Variants in MAP1LC3B observed in about 807,000 individuals in gnomAD.
MAP1LC3B encodes microtubule-associated protein 1 light chain 3 beta.
A neutral mutation model predicts 16.7 loss-of-function variants in MAP1LC3B; 12 were observed. The observed-to-expected ratio is 0.72, with a 90% confidence interval of 0.46 to 1.16. The LOEUF (loss-of-function observed/expected upper bound fraction) is 1.16, where lower values mean the gene tolerates loss of function less well. Among genes scored for constraint, MAP1LC3B ranks in the 50% most tolerant of loss-of-function variants. The probability of loss-of-function intolerance (pLI) is 0.00; values close to 1 mark genes in which losing one functional copy is unlikely to be tolerated. For missense variants in MAP1LC3B, 155 were observed against 159.5 expected (o/e 0.97, Z 0.15); for synonymous variants, 63 against 56.5 (o/e 1.11, Z -0.51).
chr16:87,400,605 T>C (rs17781165), intron 2 of MAP1LC3B, among the ~76,000 whole-genome samples: 9,417 of 152,236 alleles, frequency 0.062, 446 homozygotes, highest in East Asian at 0.21. Context: ...TTGTCAAATA[T>C]AATTTTTTCA....
In MAP1LC3B at chr16:87,404,136, C is replaced by A. The variant is rs1219631491; in HGVS notation, c.*1039C>A. The A allele has an allele frequency of 1.3e-5, 2 of 152,144 alleles. No individual in the cohort carries two copies. The highest frequency in any genetic ancestry group is 2.9e-5 in the Non-Finnish European group (2 of 68,032). 9.4% of individuals were successfully genotyped at this position (152,144 alleles called of 1,614,324 possible). ...GACAGCCATCAGAATTCTCCCACAC[C>A]AAGTGCATGTCAGTTGTGGAGAAAA... On this transcript the variant is annotated 3_prime_UTR_variant, in exon 4 of 4. Transcript: ENST00000268607.
At position 87,403,147 on chromosome 16, in the gene MAP1LC3B, A is replaced by C. The variant is rs776139474; in HGVS notation, c.*50A>C. 3.1e-5 allele frequency: 46 copies of C among 1,481,084 alleles called. No homozygotes were observed. The highest frequency in any genetic ancestry group is 3.7e-4 in the Middle Eastern group (2 of 5,472). 91.7% of individuals were successfully genotyped at this position (1,481,084 alleles called of 1,614,324 possible). Reference sequence around the variant, plus strand: ...AGAATTGTTTAAACCCTTACCAAGGAAAAAAAAGGGATGTTACCAACTGAG... The same window carrying C: ...AGAATTGTTTAAACCCTTACCAAGGCAAAAAAAGGGATGTTACCAACTGAG... On this transcript the variant is annotated 3_prime_UTR_variant, in exon 4 of 4. Transcript: ENST00000268607.
intron 1 of MAP1LC3B, among the ~76,000 whole-genome samples, chr16:87,395,742 C>A (rs1907774986): frequency 6.6e-6 from 1 of 150,844 alleles, no homozygotes; most frequent in South Asian, 2.1e-4. Flanking sequence ...TGAAAATAAT[C>A]ATTTTTGTCT....
intron 3 of MAP1LC3B, chr16:87,402,514 A>C: frequency 1.8e-6 from 1 of 570,072 alleles, no homozygotes; most frequent in East Asian, 2.9e-5. Context: ...TTTCATCATA[A>C]CATCGTTTAG....
Position 87,403,981 on chromosome 16 carries a change from A to G in MAP1LC3B, c.*884A>G, listed in dbSNP as rs1189632956. 1.3e-5 allele frequency: 2 copies of G among 152,180 alleles called. No homozygotes were observed. The highest frequency in any genetic ancestry group is 1.5e-5 in the Non-Finnish European group (1 of 68,040). The allele number at this position is 152,180 out of a possible 1,614,324, so 9.4% of individuals were successfully genotyped here. ...TAACTGAAAACATTAACATTCAGAC[A>G]CACTCCCTTCTGCCTTCCGGCTTAA... is the stretch of plus-strand genomic sequence containing the variant. On this transcript the variant is annotated 3_prime_UTR_variant, in exon 4 of 4. Transcript: ENST00000268607.
At position 87,393,010 on chromosome 16, in the gene MAP1LC3B, C is replaced by T. The variant is rs62053115; in HGVS notation, c.40+543C>T. 9.1e-3 allele frequency: 1,392 copies of T among 152,308 alleles called. 19 individuals are homozygous for T. The highest frequency in any genetic ancestry group is 0.015 in the Non-Finnish European group (988 of 68,066). 9.4% of individuals were successfully genotyped at this position (152,308 alleles called of 1,614,324 possible). A position where few individuals can be genotyped will look rare whatever the true frequency, so the allele number is the denominator to read the frequency against. On this transcript the variant is annotated intron_variant, in intron 1 of 3. Coordinates refer to ENST00000268607, the MANE Select transcript of MAP1LC3B (RefSeq NM_022818.5). ...GTGCCTCTTACAGACCTCAGTGCCT[C>T]GGTCGAGAGGAGGGGAATGTGCTGG...
At chr16:87,397,357 G>A (rs1166528320) in intron 1 of MAP1LC3B, among the ~76,000 whole-genome samples, 1 of 148,858 alleles carries the variant, frequency 6.7e-6, no homozygotes, top group Non-Finnish European at 1.5e-5. Flanking sequence ...GGTGGCTCAC[G>A]CCTGTAATCC....
intron 2 of MAP1LC3B, among the ~76,000 whole-genome samples, chr16:87,401,732 G>A (rs1907999980): frequency 6.6e-6 from 1 of 152,090 alleles, no homozygotes; most frequent in Admixed American, 6.6e-5. Context: ...GTTTTGCCAT[G>A]TTGACCAGGC....
At position 87,402,169 on chromosome 16, in the gene MAP1LC3B, T is replaced by C; in HGVS notation, c.97-6T>C. 1.2e-6 allele frequency: 2 copies of C among 1,613,982 alleles called. No homozygotes were observed. Among genetic ancestry groups the C allele is most frequent in the African/African-American group, 1.3e-5 (1 of 75,024 alleles). ...ATTTTAAAATCACTTCTGGCTTCTT[T>C]TCCAGGTGATAATAGAACGATACAA... On this transcript the variant is annotated splice_polypyrimidine_tract_variant and splice_region_variant and intron_variant, in intron 2 of 3. Coordinates refer to ENST00000268607, the MANE Select transcript of MAP1LC3B (RefSeq NM_022818.5).
chr16:87,402,791 TGAG>T lies in MAP1LC3B; in HGVS notation c.204-131_204-129del. 3 of 1,042,336 alleles carry T rather than the reference TGAG, an allele frequency of 2.9e-6. No individual in the cohort carries two copies. In the South Asian group the frequency reaches 4.9e-5, roughly 17 times the overall value. The allele number at this position is 1,042,336 out of a possible 1,614,324, so 64.6% of individuals were successfully genotyped here. ...ATCAAAGGAAGTGTCCTGTGCTTTA[TGAG>T]AAGTATTGGATTCAAGAGCATTTAG... is the stretch of plus-strand genomic sequence containing the variant. On this transcript the variant is annotated intron_variant, in intron 3 of 3. Transcript: ENST00000268607.
intron 1 of MAP1LC3B, among the ~76,000 whole-genome samples, chr16:87,395,043 C>A (rs748262837): frequency 2.0e-5 from 3 of 152,120 alleles, no homozygotes; most frequent in Non-Finnish European, 4.4e-5. Context: ...CCACGCCTGG[C>A]CTGGGGGAGG....
In MAP1LC3B at chr16:87,402,182, T is replaced by G; in HGVS notation, c.104T>G (p.Ile35Arg). The part of the protein sequence containing the change: ...EQHPTKIPVI[I>R]ERYKGEKQLP... ...TTCTGGCTTCTTTTCCAGGTGATAATAGAACGATACAAGGGTGAGAAGCAG... is the reference window on the plus strand; with the variant it reads ...TTCTGGCTTCTTTTCCAGGTGATAAGAGAACGATACAAGGGTGAGAAGCAG... Residue 35 changes from isoleucine (I) to arginine (R), a missense_variant, in exon 3 of 4, where the codon ATA (isoleucine) becomes AGA (arginine). Physicochemically the swap from Ile to Arg is moderately conservative, Grantham distance 97. Coordinates refer to ENST00000268607, the MANE Select transcript of MAP1LC3B (RefSeq NM_022818.5). 2 of 1,614,036 alleles carry G rather than the reference T, an allele frequency of 1.2e-6. No individual in the cohort carries two copies. The highest frequency in any genetic ancestry group is 1.7e-6 in the Non-Finnish European group (2 of 1,179,970).
At chr16:87,399,727 T>A (rs1029927131) in intron 2 of MAP1LC3B, 3 of 381,206 alleles carry the variant, frequency 7.9e-6, no homozygotes, top group African/African-American at 6.4e-5. Context: ...CAAAATATTT[T>A]GCTCCATGGA....
chr16:87,400,698 C>A (rs1907960977), intron 2 of MAP1LC3B, among the ~76,000 whole-genome samples: 1 of 150,950 alleles, frequency 6.6e-6, no homozygotes, highest in Non-Finnish European at 1.5e-5. Flanking sequence ...AAAACACAGG[C>A]ATTTACTTTT....
chr16:87,402,850 G>C, intron 3 of MAP1LC3B, 73 bp from the exon 4 acceptor site: 1 of 1,560,014 alleles, frequency 6.4e-7, no homozygotes, highest in South Asian at 1.1e-5. Flanking sequence ...ATCAGAGTGG[G>C]TGATATTTTA....
At chr16:87,399,835 G>C in intron 2 of MAP1LC3B, 1 of 268,270 alleles carries the variant, frequency 3.7e-6, no homozygotes, top group East Asian at 1.0e-4. Flanking sequence ...GTGTAGTGGC[G>C]CGATCTCGGC....
At chr16:87,402,551 C>A (rs373941505) in intron 3 of MAP1LC3B, 2 of 551,644 alleles carry the variant, frequency 3.6e-6, no homozygotes, top group Non-Finnish European at 6.3e-6. Context: ...ATCAGTGTTA[C>A]AAGTTATTAA....
At chr16:87,393,588 A>G (rs117222260) in intron 1 of MAP1LC3B, among the ~76,000 whole-genome samples, 17 of 152,326 alleles carry the variant, frequency 1.1e-4, no homozygotes, top group East Asian at 3.9e-4. Flanking sequence ...TGCCAAGCAT[A>G]TCTTTTCAGA....
intron 1 of MAP1LC3B, among the ~76,000 whole-genome samples, chr16:87,397,491 G>T (rs866036006): frequency 1.3e-5 from 2 of 152,152 alleles, no homozygotes; most frequent in Non-Finnish European, 1.5e-5. Flanking sequence ...GGTGTCGGGT[G>T]CCTGTAGTCC....
Sources: allele counts gnomAD v4.1 joint callset (sites outside exome capture counted in the v4.1 genomes callset), GRCh38; gene constraint gnomAD v4.1.1; transcripts MANE v1.5; gene names NCBI Gene and HGNC (gene_info 2026-07-23, HGNC 2026-07-21).